CFAP57: variants seen among roughly 807,000 people sequenced by gnomAD.
CFAP57 encodes cilia- and flagella-associated protein 57.
CFAP57 carries 116 observed loss-of-function variants against 146.8 expected under a neutral mutation model. The observed-to-expected ratio is 0.79, with a 90% CI of 0.68 to 0.92. The LOEUF is 0.92. CFAP57 is among the 40% of genes least tolerant of loss of function. CFAP57 has a pLI of 0.00. For synonymous variants in CFAP57, 518 were observed against 552.8 expected, an observed-to-expected ratio of 0.94 and a Z score of 0.88; for missense variants, 1,377 against 1,527.2, an observed-to-expected ratio of 0.90 and a Z score of 1.64.
intron 4 of CFAP57, 86 bp from the exon 5 acceptor site, chr1:43,185,063 G>A (rs1157212896): frequency 1.4e-6 from 2 of 1,443,704 alleles, no homozygotes; most frequent in Non-Finnish European, 1.9e-6. Flanking sequence ...GTCACACCCA[G>A]TGACAGTCTT....
chr1:43,240,007 T>C (rs753797972), intron 21 of CFAP57, among the ~76,000 whole-genome samples: 28 of 152,318 alleles, frequency 1.8e-4, no homozygotes, highest in Middle Eastern at 3.4e-3. Flanking sequence ...CCAATAAATA[T>C]GTATTGAATT....
At chr1:43,234,897 C>T (rs1272834780) in intron 21 of CFAP57, among the ~76,000 whole-genome samples, 1 of 152,110 alleles carries the variant, frequency 6.6e-6, no homozygotes, top group Non-Finnish European at 1.5e-5. Context: ...GCCCACCTCC[C>T]TTCTCCACAT....
intron 11 of CFAP57, 91 bp from the exon 12 acceptor site, chr1:43,215,164 T>C (rs1644784844): frequency 6.9e-7 from 1 of 1,451,510 alleles, no homozygotes; most frequent in Non-Finnish European, 9.4e-7. Flanking sequence ...TGCCCAGGAT[T>C]GCATGGGGGG....
chr1:43,241,463 A>T (rs938877102), intron 21 of CFAP57, among the ~76,000 whole-genome samples: 2 of 152,024 alleles, frequency 1.3e-5, no homozygotes, highest in Non-Finnish European at 2.9e-5. Context: ...TGGGTTCCAC[A>T]GGTACCTCCC....
intron 5 of CFAP57, among the ~76,000 whole-genome samples, chr1:43,185,916 T>G (rs1643041856): frequency 6.6e-6 from 1 of 150,860 alleles, no homozygotes; most frequent in African/African-American, 2.4e-5. Flanking sequence ...AGACTCTGTC[T>G]CAAAAAAAGA....
intron 4 of CFAP57, among the ~76,000 whole-genome samples, chr1:43,184,562 G>A: frequency 6.6e-6 from 1 of 152,018 alleles, no homozygotes; most frequent in South Asian, 2.1e-4. Flanking sequence ...GATCAAAGAG[G>A]TAAGTGAACT....
At chr1:43,200,588 G>A (rs975289923) in intron 9 of CFAP57, among the ~76,000 whole-genome samples, 2 of 152,158 alleles carry the variant, frequency 1.3e-5, no homozygotes, top group Non-Finnish European at 2.9e-5. Context: ...GCATGATTAA[G>A]AGGGAGAGGC....
rs1431973888 is a variant in CFAP57, at chr1:43,201,132, G to A, written c.1542+1629G>A. On this transcript the variant is annotated intron_variant, in intron 9 of 22. Coordinates refer to ENST00000372492, the MANE Select transcript of CFAP57 (RefSeq NM_001378189.1). The surrounding 1 kb of genome is among the most constrained non-coding windows in gnomAD (Gnocchi z 4.4). ...AAGTCAGGGCTGAGTATGAAGATTC[G>A]GGGAATTAGAAAGTAGAGGAAGTCA... Among the ~76,000 whole-genome samples the A allele has an allele frequency of 1.3e-5, 2 of 152,106 alleles. No individual in the cohort carries two copies. The highest frequency in any genetic ancestry group is 2.4e-5 in the African/African-American group (1 of 41,414).
intron 7 of CFAP57, 62 bp from the exon 8 acceptor site, chr1:43,198,418 AG>A: frequency 6.5e-7 from 1 of 1,530,434 alleles, no homozygotes; most frequent in Non-Finnish European, 9.0e-7. Context: ...TATCAGATAC[AG>A]TAGATGACTG....
intron 19 of CFAP57, among the ~76,000 whole-genome samples, chr1:43,232,879 T>C (rs1645529828): frequency 6.6e-6 from 1 of 152,208 alleles, no homozygotes; most frequent in African/African-American, 2.4e-5. Context: ...GCAGGAATAT[T>C]TGTAGCATTT....
In CFAP57 at chr1:43,222,105, A is replaced by C; in HGVS notation, c.2342A>C (p.Glu781Ala). 1.9e-6 allele frequency: 3 copies of C among 1,545,708 alleles called. No homozygotes were observed. The highest frequency in any genetic ancestry group is 2.6e-6 in the Non-Finnish European group (3 of 1,144,488). The change falls in exon 15 of 23, where the codon GAA becomes GCA. Residue 781 changes from glutamate (E) to alanine (A), a missense_variant and splice_region_variant. Transcript: ENST00000372492. ...AAATACCATCCTTGCTTCTCTCCAG[A>C]ATGTTGCAACAACCAAAAGTTGCTT... ...DKQSRELQDM[E>A]CCNNQKLLLE...
intron 9 of CFAP57, among the ~76,000 whole-genome samples, chr1:43,199,976 G>A (rs1644046296): frequency 6.6e-6 from 1 of 152,166 alleles, no homozygotes; most frequent in Non-Finnish European, 1.5e-5. Flanking sequence ...AAACTTGTAG[G>A]CCTTGTAAGG....
chr1:43,224,096 C>T lies in CFAP57; in HGVS notation c.2757C>T (p.Thr919=), dbSNP rs1460711676. The change falls in exon 17 of 23, where the codon ACC becomes ACT. Residue 919 remains threonine, a synonymous_variant. Coordinates refer to ENST00000372492, the MANE Select transcript of CFAP57 (RefSeq NM_001378189.1). ...EIEERTNDIE[T]LKGEQMKLQG... ...AAGAACGAACCAATGACATCGAGACCCTAAAAGGAGAGCAGATGAAGCTGC... is the reference window on the plus strand; with the variant it reads ...AAGAACGAACCAATGACATCGAGACTCTAAAAGGAGAGCAGATGAAGCTGC... 3 of 1,550,302 alleles carry T rather than the reference C, an allele frequency of 1.9e-6. No individual in the cohort carries two copies. The highest frequency in any genetic ancestry group is 2.6e-6 in the Non-Finnish European group (3 of 1,146,964).
rs183279691 is a variant in CFAP57, at chr1:43,249,227, C to G, written c.3539-4750C>G. 4.0e-3 allele frequency among the ~76,000 whole-genome samples: 613 copies of G among 151,616 alleles called. 3 individuals carry two copies. The highest frequency in any genetic ancestry group is 0.013 in the African/African-American group (539 of 41,332). ...TAACCCTTTCTTAATTGGAAATGAC[C>G]CAGATACCCACATAGCCAATGAGCA... On this transcript the variant is annotated intron_variant, in intron 22 of 22. Coordinates refer to ENST00000372492, the MANE Select transcript of CFAP57 (RefSeq NM_001378189.1).
In CFAP57 at chr1:43,248,319, C is replaced by CT. The variant is rs763437285; in HGVS notation, c.3538+4976dup. ...CTACATTGTTTCATAAAAAAATTTT[C>CT]TTTTTTTTTTTTTTTTGAGACAGAG... is the stretch of plus-strand genomic sequence containing the variant. On this transcript the variant is annotated intron_variant, in intron 22 of 22. Coordinates refer to ENST00000372492, the MANE Select transcript of CFAP57 (RefSeq NM_001378189.1). 2.8e-3 allele frequency among the ~76,000 whole-genome samples: 368 copies of CT among 133,448 alleles called. 2 individuals carry two copies. Among genetic ancestry groups the CT allele is most frequent in the African/African-American group, 3.8e-3 (137 of 35,914 alleles). The allele number at this position is 133,448 out of a possible 152,430, so 87.5% of individuals were successfully genotyped here.
chr1:43,237,961 A>G (rs1360030146), intron 21 of CFAP57, among the ~76,000 whole-genome samples: 4 of 152,212 alleles, frequency 2.6e-5, no homozygotes, highest in Admixed American at 6.5e-5. Context: ...AAAACCCATT[A>G]GGAAATGACT....
intron 1 of CFAP57, 126 bp from the exon 2 acceptor site, chr1:43,172,597 AAAGGGGAGGGAC>A (rs1485005695): frequency 5.3e-6 from 3 of 566,770 alleles, no homozygotes; most frequent in Middle Eastern, 5.2e-4. Flanking sequence ...AGGGGAGGGG[AAAGGGGAGGGAC>A]AAGGGGAGGA....
chr1:43,231,080 T>G, intron 18 of CFAP57, among the ~76,000 whole-genome samples: 1 of 152,186 alleles, frequency 6.6e-6, no homozygotes, highest in East Asian at 1.9e-4. Context: ...TCACTATTGC[T>G]CTCCTTTGTC....
intron 9 of CFAP57, 110 bp downstream of exon 9, chr1:43,199,613 C>T: frequency 1.1e-6 from 1 of 949,680 alleles, no homozygotes; most frequent in Admixed American, 1.8e-5. Flanking sequence ...CTCATGGGTT[C>T]ACTGTCTACT....
Sources: gnomAD v4.1 joint callset for allele counts (sites outside exome capture counted in the v4.1 genomes callset) on GRCh38, gnomAD v4.1.1 for gene constraint, Gnocchi (gnomAD v3.1) non-coding constraint, MANE v1.5 for transcripts, NCBI Gene and HGNC (gene_info 2026-07-23, HGNC 2026-07-21) for gene names.